TUSC3: variants seen among roughly 807,000 people sequenced by gnomAD.
The protein encoded by TUSC3 is tumor suppressor candidate 3.
TUSC3 carries 45 observed loss-of-function variants against 44.8 expected under a neutral mutation model. The observed-to-expected ratio is 1.00, with a 90% CI of 0.79 to 1.29. TUSC3 has a LOEUF of 1.29. Ranked by LOEUF, TUSC3 falls within the 50% of genes most tolerant of loss-of-function variation. TUSC3 has a pLI of 0.00. For missense variants in TUSC3, 519 were observed against 437.9 expected (o/e 1.19, Z -1.65); for synonymous variants, 212 against 152.9 (o/e 1.39, Z -2.85).
the TUSC3 span, among the ~76,000 whole-genome samples, chr8:15,794,547 T>C: frequency 3.3e-5 from 5 of 152,170 alleles, no homozygotes. Flanking sequence ...TAAAAGCCAT[T>C]AGATTCCTTG....
the TUSC3 span, among the ~76,000 whole-genome samples, chr8:15,774,827 G>C: frequency 2.6e-5 from 4 of 151,770 alleles, no homozygotes; most frequent in African/African-American, 9.7e-5. Flanking sequence ...TTTTTTTAAA[G>C]GAAAATGTTG....
chr8:15,523,435 G>T lies in TUSC3; in HGVS notation n.189+39952G>T, dbSNP rs1801324353. ...TTCTCCTTACATGGTTTTCATAGGA[G>T]TTTGATTTGTCTTCCAAAAATGCAT... On this transcript the variant is annotated intron_variant and non_coding_transcript_variant, in intron 2 of 5. Coordinates refer to the TUSC3 transcript ENST00000503191. 2.0e-5 allele frequency among the ~76,000 whole-genome samples: 3 copies of T among 151,862 alleles called. No individual in the cohort carries two copies. The South Asian group carries it at 6.2e-4, about 32-fold the overall frequency.
chr8:15,751,008 A>G (rs2129219442), intron 9 of TUSC3, among the ~76,000 whole-genome samples: 1 of 152,348 alleles, frequency 6.6e-6, no homozygotes, highest in East Asian at 1.9e-4. Context: ...GGTGTGCTAA[A>G]CAGTGTGACC....
chr8:15,754,757 A>C (rs1811853235), intron 9 of TUSC3, among the ~76,000 whole-genome samples: 1 of 150,884 alleles, frequency 6.6e-6, no homozygotes. Context: ...AATTATCTTT[A>C]TGTACAGAAC....
intron 1 of TUSC3, among the ~76,000 whole-genome samples, chr8:15,450,586 C>T (rs543186421): frequency 6.6e-6 from 1 of 152,130 alleles, no homozygotes; most frequent in Non-Finnish European, 1.5e-5. Context: ...AGGAGAATAG[C>T]TTGAACCCGG....
intron 1 of TUSC3, among the ~76,000 whole-genome samples, chr8:15,619,473 T>G (rs1386581529): frequency 2.0e-5 from 3 of 151,730 alleles, no homozygotes; most frequent in Non-Finnish European, 4.4e-5. Flanking sequence ...TTGATTAGTC[T>G]GGAAAGAGTT....
the TUSC3 span, among the ~76,000 whole-genome samples, chr8:15,837,586 C>G: frequency 6.6e-6 from 1 of 152,038 alleles, no homozygotes; most frequent in African/African-American, 2.4e-5. Context: ...TCCCGAAGTT[C>G]TGTGATTTTT....
chr8:15,708,794 A>G (rs1809720434), intron 6 of TUSC3, among the ~76,000 whole-genome samples: 2 of 151,910 alleles, frequency 1.3e-5, no homozygotes. Flanking sequence ...TGGAGTCATG[A>G]TACTGATAAA....
intron 1 of TUSC3, among the ~76,000 whole-genome samples, chr8:15,597,133 G>A (rs557246154): frequency 3.0e-4 from 45 of 152,228 alleles, no homozygotes; most frequent in African/African-American, 1.1e-3. Flanking sequence ...AGATGAGGTA[G>A]CACCTTGTCC....
Position 15,423,969 on chromosome 8 carries a change from G to GTTTTTGTTTTTGTGT in TUSC3, n.91+6669_91+6670insGTTTTTGTGTTTTTT, listed in dbSNP as rs1563247134. Among the ~76,000 whole-genome samples, 4 of 70,394 alleles carry GTTTTTGTTTTTGTGT rather than the reference G, an allele frequency of 5.7e-5. 2 individuals are homozygous for GTTTTTGTTTTTGTGT. Among genetic ancestry groups the GTTTTTGTTTTTGTGT allele is most frequent in the African/African-American group, 1.6e-4 (4 of 24,496 alleles). 46.2% of individuals were successfully genotyped at this position (70,394 alleles called of 152,430 possible). A position where few individuals can be genotyped will look rare whatever the true frequency, so the allele number is the denominator to read the frequency against. On this transcript the variant is annotated intron_variant and non_coding_transcript_variant, in intron 1 of 5. Coordinates refer to the TUSC3 transcript ENST00000503191. ...TACAGCATTCATACTGTTTTGCTTT[G>GTTTTTGTTTTTGTGT]TTTTTTTTTTTTTTTTTTTTTTTTT...
chr8:15,527,842 A>G (rs1585076848), intron 2 of TUSC3, among the ~76,000 whole-genome samples: 2 of 152,334 alleles, frequency 1.3e-5, no homozygotes, highest in East Asian at 3.9e-4. Context: ...ATTTTTAAAC[A>G]TTCCGTATAC....
At chr8:15,497,306 A>G (rs1464837019) in intron 2 of TUSC3, among the ~76,000 whole-genome samples, 1 of 152,136 alleles carries the variant, frequency 6.6e-6, no homozygotes, top group African/African-American at 2.4e-5. Context: ...ATGTGTAGAA[A>G]GCAGTGGGAC....
chr8:15,806,691 T>C, the TUSC3 span: 2 of 940,486 alleles, frequency 2.1e-6, no homozygotes, highest in Non-Finnish European at 3.4e-6. Context: ...TGGATACATT[T>C]GTAATCAAAA....
chr8:15,534,643 T>TTAAA (rs1554510419), intron 2 of TUSC3, among the ~76,000 whole-genome samples: 2 of 129,890 alleles, frequency 1.5e-5, no homozygotes, highest in Non-Finnish European at 1.6e-5. Flanking sequence ...ACTCGGTCTT[T>TTAAA]AAAAAAAAAA....
chr8:15,535,646 G>T (rs1365319826), upstream of TUSC3, among the ~76,000 whole-genome samples: 1 of 152,214 alleles, frequency 6.6e-6, no homozygotes, highest in African/African-American at 2.4e-5. Context: ...ATTCTAGACA[G>T]TATGAATACA....
chr8:15,740,606 C>G (rs766340063), intron 7 of TUSC3, among the ~76,000 whole-genome samples: 28 of 151,748 alleles, frequency 1.8e-4, no homozygotes, highest in Non-Finnish European at 3.4e-4. Flanking sequence ...AAGTGGTGAG[C>G]TATTCGTACA....
the TUSC3 span, among the ~76,000 whole-genome samples, chr8:15,828,200 G>C: frequency 6.6e-6 from 1 of 152,094 alleles, no homozygotes; most frequent in Non-Finnish European, 1.5e-5. Flanking sequence ...TCTCCATGTT[G>C]GTCAGGCTGG....
intron 6 of TUSC3, among the ~76,000 whole-genome samples, chr8:15,710,757 G>A (rs935485618): frequency 6.7e-6 from 1 of 150,310 alleles, no homozygotes; most frequent in Non-Finnish European, 1.5e-5. Flanking sequence ...TCATAAATGT[G>A]CAGCTTAGTA....
At chr8:15,774,513 T>G in the TUSC3 span, among the ~76,000 whole-genome samples, 1 of 152,104 alleles carries the variant, frequency 6.6e-6, no homozygotes, top group Admixed American at 6.5e-5. Context: ...CAAGGAAGGA[T>G]TCCCATAAAG....
Sources: allele counts gnomAD v4.1 joint callset (sites outside exome capture counted in the v4.1 genomes callset), GRCh38; gene constraint gnomAD v4.1.1; transcripts MANE v1.5; gene names NCBI Gene and HGNC (gene_info 2026-07-23, HGNC 2026-07-21).